The following ABCC6 variants were observed in gnomAD, a reference collection of about 807,000 sequenced individuals.
The protein encoded by ABCC6 is ATP-binding cassette sub-family C member 6.
Under a neutral mutation model 169.5 loss-of-function variants are expected in ABCC6, and 126 were observed. The observed-to-expected ratio is 0.74, with a 90% CI of 0.64 to 0.86. The LOEUF (loss-of-function observed/expected upper bound fraction) is 0.86. Ranked by LOEUF, ABCC6 falls within the 40% of genes least tolerant of loss-of-function variation. The pLI, the probability that ABCC6 is intolerant of heterozygous loss-of-function variation, is 0.00. For missense variants in ABCC6, 1,733 were observed against 1,927.2 expected, an observed-to-expected ratio of 0.90 and a Z score of 1.89; for synonymous variants, 752 against 814.7, an observed-to-expected ratio of 0.92 and a Z score of 1.31.
At chr16:16,170,779 T>G (rs2047033895) in intron 21 of ABCC6, among the ~76,000 whole-genome samples, 1 of 151,384 alleles carries the variant, frequency 6.6e-6, no homozygotes, top group Non-Finnish European at 1.5e-5. Flanking sequence ...ATTAGCCACG[T>G]GTGGTGGCAG....
chr16:16,152,004 AAC>A (rs776584934), intron 29 of ABCC6, among the ~76,000 whole-genome samples: 4 of 151,868 alleles, frequency 2.6e-5, no homozygotes, highest in African/African-American at 4.8e-5. Context: ...CATCCTGGCT[AAC>A]ACGGTGAAAC....
intron 11 of ABCC6, among the ~76,000 whole-genome samples, chr16:16,191,892 C>T (rs934927864): frequency 4.6e-5 from 7 of 152,134 alleles, no homozygotes; most frequent in South Asian, 2.1e-4. Flanking sequence ...AACTAGATGC[C>T]GAGTTGGCCA....
intron 29 of ABCC6, among the ~76,000 whole-genome samples, chr16:16,151,885 G>A (rs926282179): frequency 1.3e-5 from 2 of 151,914 alleles, no homozygotes; most frequent in Admixed American, 6.6e-5. Context: ...GAATCGTGAC[G>A]ACATGGCACA....
chr16:16,190,425 C>T, intron 11 of ABCC6, 58 bp from the exon 12 acceptor site: 2 of 1,579,628 alleles, frequency 1.3e-6, no homozygotes, highest in Non-Finnish European at 1.7e-6. Flanking sequence ...CTCTTCCCTG[C>T]ACCCTGACAG....
chr16:16,179,090 C>G (rs1278354099), intron 17 of ABCC6, 125 bp from the exon 18 acceptor site: 1 of 1,100,344 alleles, frequency 9.1e-7, no homozygotes, highest in Non-Finnish European at 1.3e-6. Context: ...ATGCCTATTC[C>G]CTGGGGACAG....
At chr16:16,150,470 A>T in intron 30 of ABCC6, 108 bp downstream of exon 30, 1 of 1,508,610 alleles carries the variant, frequency 6.6e-7, no homozygotes, top group Non-Finnish European at 8.9e-7. Context: ...GGCCCCATTC[A>T]GGACCCCTCC....
At chr16:16,190,121 C>T (rs1186802386) in intron 12 of ABCC6, 43 bp downstream of exon 12, 2 of 1,607,384 alleles carry the variant, frequency 1.2e-6, no homozygotes, top group Non-Finnish European at 8.5e-7. Context: ...CCCCCGCACT[C>T]CTTCCCCAGT....
At chr16:16,221,415 G>A in intron 2 of ABCC6, 1 of 1,416,248 alleles carries the variant, frequency 7.1e-7, no homozygotes, top group Middle Eastern at 2.6e-4. Context: ...GAACATGGGA[G>A]TGTATGCGTA....
intron 13 of ABCC6, among the ~76,000 whole-genome samples, chr16:16,188,496 G>A (rs1483717448): frequency 1.3e-5 from 2 of 152,188 alleles, no homozygotes; most frequent in Non-Finnish European, 2.9e-5. Flanking sequence ...GATAGCAAAG[G>A]AAGAGAAACA....
At chr16:16,185,127 A>T (rs370875514) in intron 14 of ABCC6, 93 bp from the exon 15 acceptor site, 2 of 1,074,206 alleles carry the variant, frequency 1.9e-6, no homozygotes, top group African/African-American at 3.1e-5. Flanking sequence ...CGCCCCCCCC[A>T]GGGGCAGAGG....
At chr16:16,150,530 C>A (rs760752286) in intron 30 of ABCC6, 48 bp downstream of exon 30, 1 of 1,590,298 alleles carries the variant, frequency 6.3e-7, no homozygotes, top group Admixed American at 1.7e-5. Flanking sequence ...CCTCCTTCCC[C>A]CACCACTGCA....
In ABCC6 at chr16:16,177,569, C is replaced by G. The variant is rs760420743; in HGVS notation, c.2473G>C (p.Val825Leu). Residue 825 changes from valine to leucine, a missense_variant, in exon 19 of 31, where the codon GTG becomes CTG. Physicochemically the swap from Val to Leu is conservative, Grantham distance 32 (BLOSUM62 1). Around this residue, in one of 5 missense-constraint regions of ABCC6, gnomAD observed 1,601 missense variants for 1,635.5 expected, o/e 0.98. Transcript: ENST00000205557. ...TCTGCGATGGCCCCATTTGCCAGCA[C>G]TATGATCCAATCAGCCTGGGGCAGG... ...HILPQADWIIVLANGAIAEMG... is the reference protein window; with the variant it reads ...HILPQADWIILLANGAIAEMG... 1.2e-6 allele frequency: 2 copies of G among 1,614,236 alleles called. No homozygotes were observed. The highest frequency in any genetic ancestry group is 2.2e-5 in the South Asian group (2 of 91,088).
intron 27 of ABCC6, among the ~76,000 whole-genome samples, chr16:16,157,076 A>C (rs951147861): frequency 6.6e-6 from 1 of 152,012 alleles, no homozygotes; most frequent in African/African-American, 2.4e-5. Context: ...AAAGGGATTC[A>C]GTGAAGGGGC....
rs754414760 is a variant in ABCC6 at position 16,190,169 on chromosome 16, A to G, written c.1630T>C (p.Phe544Leu). The G allele has an allele frequency of 6.2e-7, 1 of 1,613,498 alleles. No homozygotes were observed. Among genetic ancestry groups the G allele is most frequent in the African/African-American group, 1.3e-5 (1 of 74,824 alleles). ...AGAGACTAGAGTGACGTCACCAGAA[A>G]TGTAGACACTTGGAAGGACACCAGC... ...VSLVSFQVST[F>L]LVALVVFAVH... The change falls in exon 12 of 31, where the codon TTT becomes CTT. Residue 544 changes from phenylalanine to leucine, a missense_variant. Physicochemically the swap from Phe to Leu is conservative, Grantham distance 22 (BLOSUM62 0). Around this residue, in one of 5 missense-constraint regions of ABCC6, gnomAD observed 1,601 missense variants for 1,635.5 expected, o/e 0.98. Coordinates refer to ENST00000205557, the MANE Select transcript of ABCC6 (RefSeq NM_001171.6).
intron 20 of ABCC6, 128 bp downstream of exon 20, chr16:16,175,783 G>A: frequency 2.0e-6 from 2 of 980,500 alleles, no homozygotes; most frequent in Non-Finnish European, 3.1e-6. Flanking sequence ...CCATGGGGGG[G>A]ACTTCAGCAG....
At chr16:16,214,249 A>G (rs1215002286) in intron 5 of ABCC6, 75 bp downstream of exon 5, 1 of 1,544,974 alleles carries the variant, frequency 6.5e-7, no homozygotes, top group Non-Finnish European at 8.8e-7. Flanking sequence ...TAAAAAAATT[A>G]AAGACTTTTG....
intron 14 of ABCC6, 49 bp from the exon 15 acceptor site, chr16:16,185,083 C>T (rs2047605687): frequency 1.3e-6 from 2 of 1,571,934 alleles, no homozygotes; most frequent in Non-Finnish European, 8.8e-7. Context: ...CCTGGCCGGC[C>T]TCTGCATCGG....
intron 14 of ABCC6, among the ~76,000 whole-genome samples, chr16:16,185,743 C>G (rs1032648189): frequency 1.3e-5 from 2 of 151,928 alleles, no homozygotes; most frequent in Non-Finnish European, 2.9e-5. Flanking sequence ...CAAGATTGCA[C>G]CACTGCACTC....
intron 5 of ABCC6, among the ~76,000 whole-genome samples, chr16:16,213,082 A>ATTT (rs55813185): frequency 6.3e-4 from 87 of 138,814 alleles, no homozygotes; most frequent in East Asian, 2.5e-3. Flanking sequence ...CCTTCGAGCA[A>ATTT]TTTTTTTTTT....
Sources: gnomAD v4.1 joint callset for allele counts (sites outside exome capture counted in the v4.1 genomes callset) on GRCh38, gnomAD v4.1.1 for gene constraint, gnomAD v4.1.1 regional missense constraint, MANE v1.5 for transcripts, NCBI Gene and HGNC (gene_info 2026-07-23, HGNC 2026-07-21) for gene names.